ZP3: variants seen among roughly 807,000 people sequenced by gnomAD.
ZP3 encodes zona pellucida glycoprotein 3.
ZP3 carries 21 observed loss-of-function variants against 35.6 expected under a neutral mutation model. The observed-to-expected ratio is 0.59, with a 90% CI of 0.42 to 0.85. The LOEUF (loss-of-function observed/expected upper bound fraction) is 0.85, where lower values mean the gene tolerates loss of function less well. Among genes scored for constraint, ZP3 ranks in the 40% least tolerant of loss-of-function variants. ZP3 has a pLI of 0.00. For synonymous variants in ZP3, 207 were observed against 214.5 expected, an observed-to-expected ratio of 0.96 and a Z score of 0.31; for missense variants, 437 against 536.5, an observed-to-expected ratio of 0.81 and a Z score of 1.83.
chr7:76,430,943 C>T (rs1238102569), intron 2 of ZP3, among the ~76,000 whole-genome samples: 2 of 152,192 alleles, frequency 1.3e-5, no homozygotes, highest in African/African-American at 2.4e-5. Flanking sequence ...AGGTGACATG[C>T]AGCCTGGGGG....
chr7:76,430,436 G>GTC (rs1439717123), intron 2 of ZP3, among the ~76,000 whole-genome samples: 7 of 152,092 alleles, frequency 4.6e-5, no homozygotes, highest in Admixed American at 3.3e-4. Flanking sequence ...CAGTCTGGGA[G>GTC]TGGGTATAAG....
intron 5 of ZP3, among the ~76,000 whole-genome samples, chr7:76,438,532 G>C (rs79072841): frequency 5.8e-5 from 6 of 103,738 alleles, no homozygotes; most frequent in African/African-American, 1.6e-4. Flanking sequence ...GACAGACTCC[G>C]TCTCAGAAAA....
intron 7 of ZP3, among the ~76,000 whole-genome samples, chr7:76,441,374 T>A (rs972992824): frequency 3.3e-5 from 5 of 150,802 alleles, no homozygotes; most frequent in Admixed American, 2.7e-4. Flanking sequence ...GAGAAAGCTG[T>A]CTTTTTCTTT....
Position 76,433,507 on chromosome 7 carries a change from C to G in ZP3, c.573C>G (p.His191Gln). The change falls in exon 4 of 8, where the codon CAC (histidine) becomes CAG (glutamine). Residue 191 changes from histidine (H) to glutamine (Q), a missense_variant. This residue lies in a region of ZP3 where 352 missense variants were observed against 308.4 expected (regional missense o/e 1.14). Coordinates refer to ENST00000394857, the MANE Select transcript of ZP3 (RefSeq NM_001110354.2). ...WNAEKRSPTF[H>Q]LGDAAHLQAE... ...CTGAGAAGAGGTCCCCCACCTTCCACCTGGGAGATGCAGCCCACCTCCAGG... is the reference window on the plus strand; with the variant it reads ...CTGAGAAGAGGTCCCCCACCTTCCAGCTGGGAGATGCAGCCCACCTCCAGG... The G allele has an allele frequency of 6.2e-7, 1 of 1,614,078 alleles. No homozygotes were observed. Among genetic ancestry groups the G allele is most frequent in the Non-Finnish European group, 8.5e-7 (1 of 1,180,000 alleles).
At chr7:76,405,401 C>T (rs1584033776) in intron 1 of ZP3, among the ~76,000 whole-genome samples, 1 of 105,178 alleles carries the variant, frequency 9.5e-6, no homozygotes, top group African/African-American at 3.7e-5. Flanking sequence ...AGGCTGGTTT[C>T]GAACTCCTGA....
rs771816389 is a variant in ZP3, at chr7:76,433,601, C to A, written c.667C>A (p.Pro223Thr). 12 of 1,613,934 alleles carry A rather than the reference C, an allele frequency of 7.4e-6. No individual in the cohort carries two copies. The highest frequency in any genetic ancestry group is 1.0e-5 in the Non-Finnish European group (12 of 1,179,880). The change falls in exon 4 of 8, where the codon CCA becomes ACA. Residue 223 changes from proline to threonine, a missense_variant. Coordinates refer to ENST00000394857, the MANE Select transcript of ZP3 (RefSeq NM_001110354.2). ...FVDHCVATPT[P>T]DQNASPYHTI... ...GGACCACTGCGTGGCCACACCGACACCAGACCAGAATGCCTCCCCTTATCA... is the reference window on the plus strand; with the variant it reads ...GGACCACTGCGTGGCCACACCGACAACAGACCAGAATGCCTCCCCTTATCA...
At chr7:76,440,001 C>T (rs755435345) in intron 5 of ZP3, 9 of 443,744 alleles carry the variant, frequency 2.0e-5, no homozygotes, top group African/African-American at 7.9e-5. Context: ...GTACCCACCA[C>T]CACGCCCAGC....
rs764100090 is a variant in ZP3, at chr7:76,440,602, C to A, written c.1051C>A (p.Arg351Ser). 1.9e-6 allele frequency: 3 copies of A among 1,612,366 alleles called. No individual in the cohort carries two copies. In the African/African-American group the frequency reaches 4.0e-5, roughly 22 times the overall value. Residue 351 changes from arginine (R) to serine (S), a missense_variant, in exon 7 of 8, where the codon CGC becomes AGC. Around this residue, in one of 6 missense-constraint regions of ZP3, gnomAD observed 41 missense variants for 50.2 expected, o/e 0.82. Transcript: ENST00000394857. ...GTGGTCCAGGTCTGCTTCCCGTAAC[C>A]GCAGGCATGGTATGTCACAGAATGG... ...SQWSRSASRN[R>S]RHVTEEADVT... is the part of the protein sequence containing the mutation.
exon 1 of ZP3, chr7:76,397,795 C>T (rs1177445140): frequency 6.2e-7 from 1 of 1,603,136 alleles, no homozygotes; most frequent in Non-Finnish European, 8.5e-7. Flanking sequence ...GGCCCTGACA[C>T]AGGTTCGCGC....
At chr7:76,403,961 CCTT>C (rs749731323) in intron 1 of ZP3, among the ~76,000 whole-genome samples, 7 of 152,138 alleles carry the variant, frequency 4.6e-5, no homozygotes, top group African/African-American at 1.7e-4. Context: ...CCGAGCCCGG[CCTT>C]CTTCTTATGT....
In ZP3 at chr7:76,429,559, C is replaced by A. The variant is rs1391925544; in HGVS notation, c.357C>A (p.Asp119Glu). ...ALVYSTFLLHDPRPVGNLSIV... is the reference protein window; with the variant it reads ...ALVYSTFLLHEPRPVGNLSIV... ...TGTACAGCACCTTCCTGCTCCATGA[C>A]CCCCGCCCCGTGGGAAACCTGTCCA... The change falls in exon 2 of 8, where the codon GAC becomes GAA. Residue 119 changes from aspartate (D) to glutamate (E), a missense_variant. Asp to Glu is a conservative substitution (Grantham distance 45). Transcript: ENST00000394857. 2 of 1,614,088 alleles carry A rather than the reference C, an allele frequency of 1.2e-6. No individual in the cohort carries two copies. The highest frequency in any genetic ancestry group is 1.1e-5 in the South Asian group (1 of 91,080).
At chr7:76,406,879 G>A (rs1444235473) in intron 1 of ZP3, among the ~76,000 whole-genome samples, 2 of 150,962 alleles carry the variant, frequency 1.3e-5, no homozygotes, top group Non-Finnish European at 1.5e-5. Flanking sequence ...CTTTTTTTAT[G>A]TATTTGTGTG....
At position 76,429,602 on chromosome 7, in the gene ZP3, G is replaced by A. The variant is rs1554625334; in HGVS notation, c.400G>A (p.Ala134Thr). The A allele has an allele frequency of 6.2e-7, 1 of 1,614,040 alleles. No individual in the cohort carries two copies. The highest frequency in any genetic ancestry group is 8.5e-7 in the Non-Finnish European group (1 of 1,179,968). ...GNLSIVRTNR[A>T]EIPIECRYPR... ...CCTGTCCATCGTGAGGACTAACCGC[G>A]CAGAGATTCCCATCGAGTGCCGCTA... The change falls in exon 2 of 8, where the codon GCA becomes ACA. Residue 134 changes from alanine to threonine, a missense_variant. Coordinates refer to ENST00000394857, the MANE Select transcript of ZP3 (RefSeq NM_001110354.2).
intron 5 of ZP3, among the ~76,000 whole-genome samples, chr7:76,435,383 G>A (rs369830919): frequency 0.01 from 1,555 of 151,740 alleles, no homozygotes; most frequent in African/African-American, 0.031. Flanking sequence ...CCAAACTCCT[G>A]ACCTCAGGTG....
chr7:76,400,358 T>G, intron 1 of ZP3: 1 of 1,563,988 alleles, frequency 6.4e-7, no homozygotes, highest in South Asian at 1.1e-5. Flanking sequence ...CCGCACTCGC[T>G]CAGCGCAGCT....
chr7:76,406,338 T>C (rs1805031558), intron 1 of ZP3, among the ~76,000 whole-genome samples: 1 of 152,190 alleles, frequency 6.6e-6, no homozygotes, highest in Non-Finnish European at 1.5e-5. Context: ...TGGGAGGATA[T>C]AGATACTCAT....
At chr7:76,401,170 G>A in intron 1 of ZP3, 2 of 1,292,030 alleles carry the variant, frequency 1.5e-6, no homozygotes, top group Non-Finnish European at 2.1e-6. Context: ...CAGTACCCCT[G>A]CTTTGCCAAA....
rs1474487492 is a variant in ZP3, at chr7:76,429,597, A to G, written c.395A>G (p.Asn132Ser). 4 of 1,614,090 alleles carry G rather than the reference A, an allele frequency of 2.5e-6. No homozygotes were observed. The highest frequency in any genetic ancestry group is 1.1e-5 in the South Asian group (1 of 91,080). ...PVGNLSIVRTNRAEIPIECRY... is the reference protein window; with the variant it reads ...PVGNLSIVRTSRAEIPIECRY... The stretch of plus-strand genomic sequence containing the variant: ...GGAAACCTGTCCATCGTGAGGACTA[A>G]CCGCGCAGAGATTCCCATCGAGTGC... Residue 132 changes from asparagine (N) to serine (S), a missense_variant, in exon 2 of 8, where the codon AAC becomes AGC. By Grantham distance (46) the Asn-to-Ser change is conservative. Around this residue, in one of 6 missense-constraint regions of ZP3, gnomAD observed 352 missense variants for 308.4 expected, o/e 1.14. Coordinates refer to ENST00000394857, the MANE Select transcript of ZP3 (RefSeq NM_001110354.2).
At chr7:76,418,949 CAA>C (rs1805444015) in intron 1 of ZP3, among the ~76,000 whole-genome samples, 1 of 152,124 alleles carries the variant, frequency 6.6e-6, no homozygotes, top group Admixed American at 6.6e-5. Context: ...GTTGTTAACT[CAA>C]ACAGAAAGTA....
Sources: gnomAD v4.1 joint callset for allele counts (sites outside exome capture counted in the v4.1 genomes callset) on GRCh38, gnomAD v4.1.1 for gene constraint, gnomAD v4.1.1 regional missense constraint, MANE v1.5 for transcripts, NCBI Gene and HGNC (gene_info 2026-07-23, HGNC 2026-07-21) for gene names.